Variants in TEX14 observed in about 807,000 individuals in gnomAD.
TEX14 encodes the protein inactive serine/threonine-protein kinase TEX14.
Under a neutral mutation model 178.6 loss-of-function variants are expected in TEX14, and 168 were observed. The observed-to-expected ratio is 0.94, with a 90% CI of 0.83 to 1.07. The LOEUF is 1.07. Among genes scored for constraint, TEX14 ranks in the 50% least tolerant of loss-of-function variants. TEX14 has a pLI of 0.00. For missense variants in TEX14, 1,730 were observed against 1,753.6 expected, an observed-to-expected ratio of 0.99 and a Z score of 0.24; for synonymous variants, 626 against 634.1, an observed-to-expected ratio of 0.99 and a Z score of 0.19.
chr17:58,599,888 G>A (rs1477344599), intron 13 of TEX14, among the ~76,000 whole-genome samples: 1 of 152,222 alleles, frequency 6.6e-6, no homozygotes, highest in Non-Finnish European at 1.5e-5. Flanking sequence ...GAATGAGGCA[G>A]AAATTGTTGT....
At chr17:58,587,755 CA>C in intron 16 of TEX14, 89 bp from the exon 17 acceptor site, 2 of 1,176,966 alleles carry the variant, frequency 1.7e-6, no homozygotes, top group Non-Finnish European at 2.5e-6. Flanking sequence ...ACCAAAAGCC[CA>C]CCAGCCCATC....
rs889084818 is a variant in TEX14 at position 58,593,782 on chromosome 17, T to A, written c.2470-121A>T. On this transcript the variant is annotated intron_variant, in intron 14 of 31. Transcript: ENST00000349033. ...TAGAAATAACCAGACCTACCAGGAT[T>A]TTCCTTTGCATGTTTCCTATCTGCT... 6.1e-6 allele frequency: 5 copies of A among 815,056 alleles called. No homozygotes were observed. The African/African-American group carries it at 8.6e-5, about 14-fold the overall frequency. The allele number at this position is 815,056 out of a possible 1,614,324, so 50.5% of individuals were successfully genotyped here.
intron 3 of TEX14, among the ~76,000 whole-genome samples, chr17:58,623,240 C>T (rs2144553366): frequency 6.6e-6 from 1 of 152,052 alleles, no homozygotes; most frequent in African/African-American, 2.4e-5. Context: ...CTTCACTCAA[C>T]CCTTCAAGGA....
chr17:58,580,798 G>T (rs972152463), intron 19 of TEX14, among the ~76,000 whole-genome samples: 1 of 152,136 alleles, frequency 6.6e-6, no homozygotes, highest in African/African-American at 2.4e-5. Context: ...TGTACAGGAG[G>T]TTCTTGTAAA....
rs1162304177 is a variant in TEX14 at position 58,644,989 on chromosome 17, CT to C, written c.136+6876del. On this transcript the variant is annotated intron_variant, in intron 2 of 31. Coordinates refer to ENST00000349033, the MANE Select transcript of TEX14 (RefSeq NM_031272.5). ...AGTTGTATTCTTTTTTTTTTCTTAA[CT>C]TTTTTTTTTTTTTGAGATGGAGTCT... is the stretch of plus-strand genomic sequence containing the variant. Among the ~76,000 whole-genome samples the C allele has an allele frequency of 1.5e-3, 203 of 135,500 alleles. 1 individual carries two copies. Among genetic ancestry groups the C allele is most frequent in the African/African-American group, 3.3e-3 (121 of 36,938 alleles). The allele number at this position is 135,500 out of a possible 152,430, so 88.9% of individuals were successfully genotyped here. A position where few individuals can be genotyped will look rare whatever the true frequency, so the allele number is the denominator to read the frequency against.
chr17:58,624,319 ATATTT>A, intron 3 of TEX14, among the ~76,000 whole-genome samples: 1 of 149,782 alleles, frequency 6.7e-6, no homozygotes, highest in Non-Finnish European at 1.5e-5. Context: ...CTGTATCTAC[ATATTT>A]TCTTTTCTTT....
chr17:58,638,756 T>G (rs1598408648), intron 2 of TEX14, among the ~76,000 whole-genome samples: 1 of 151,948 alleles, frequency 6.6e-6, no homozygotes, highest in Non-Finnish European at 1.5e-5. Flanking sequence ...GTCAGGCTGG[T>G]CTTGAACTCC....
chr17:58,637,854 GC>G (rs2046472358), intron 2 of TEX14, among the ~76,000 whole-genome samples: 1 of 143,228 alleles, frequency 7.0e-6, no homozygotes, highest in Non-Finnish European at 1.5e-5. Flanking sequence ...ACAACCTACT[GC>G]CTTTTTTTTT....
At chr17:58,616,752 C>T (rs2045882653) in intron 6 of TEX14, among the ~76,000 whole-genome samples, 1 of 152,198 alleles carries the variant, frequency 6.6e-6, no homozygotes, top group African/African-American at 2.4e-5. Context: ...TTTAATCTTT[C>T]TAAAAACCTT....
At chr17:58,641,788 G>A (rs899413266) in intron 2 of TEX14, among the ~76,000 whole-genome samples, 13 of 152,152 alleles carry the variant, frequency 8.5e-5, no homozygotes, top group South Asian at 2.1e-4. Flanking sequence ...GATTACAGGC[G>A]TAAGCCACTG....
At chr17:58,607,545 T>C (rs1178106762) in intron 10 of TEX14, among the ~76,000 whole-genome samples, 2 of 152,206 alleles carry the variant, frequency 1.3e-5, no homozygotes, top group African/African-American at 2.4e-5. Context: ...ATTGGGTAAC[T>C]TCACACCATT....
At chr17:58,638,480 T>C (rs1288531453) in intron 2 of TEX14, among the ~76,000 whole-genome samples, 1 of 152,242 alleles carries the variant, frequency 6.6e-6, no homozygotes, top group East Asian at 1.9e-4. Context: ...ATTGGAATAC[T>C]ACTCACCCAT....
At chr17:58,630,579 T>C (rs1464285968) in intron 2 of TEX14, 25 bp from the exon 3 acceptor site, 2 of 1,550,090 alleles carry the variant, frequency 1.3e-6, no homozygotes, top group Non-Finnish European at 1.8e-6. Context: ...TCAGAATCAA[T>C]GCAAATATCA....
chr17:58,563,072 C>CA (rs5821239), intron 28 of TEX14, among the ~76,000 whole-genome samples: 56 of 145,544 alleles, frequency 3.8e-4, no homozygotes, highest in Middle Eastern at 3.5e-3. Flanking sequence ...GACTCTGTCT[C>CA]AAAAAAAAAA....
At chr17:58,600,672 C>T (rs545109263) in intron 13 of TEX14, among the ~76,000 whole-genome samples, 1 of 151,924 alleles carries the variant, frequency 6.6e-6, no homozygotes, top group East Asian at 1.9e-4. Flanking sequence ...CCCTGGTTTA[C>T]AGGTGTACAG....
At chr17:58,612,361 G>A (rs1567735124) in intron 9 of TEX14, among the ~76,000 whole-genome samples, 2 of 152,160 alleles carry the variant, frequency 1.3e-5, no homozygotes, top group Admixed American at 1.3e-4. Flanking sequence ...AGCTAAGGCA[G>A]GAGGATCACT....
chr17:58,646,336 C>A (rs1035068490), intron 2 of TEX14, among the ~76,000 whole-genome samples: 2 of 152,238 alleles, frequency 1.3e-5, no homozygotes, highest in Middle Eastern at 6.8e-3. Flanking sequence ...CTTCCAATAG[C>A]CCACAAGGCT....
At chr17:58,675,300 G>T in intron 1 of TEX14, 1 of 152,896 alleles carries the variant, frequency 6.5e-6, no homozygotes, top group South Asian at 1.9e-4. Flanking sequence ...GCTATGGGTG[G>T]GCAAACTAGT....
chr17:58,559,970 ATTTAT>A (rs2044240464), intron 29 of TEX14, among the ~76,000 whole-genome samples: 1 of 152,178 alleles, frequency 6.6e-6, no homozygotes, highest in African/African-American at 2.4e-5. Context: ...CAAAACCATC[ATTTAT>A]TTTATCATCT....
Sources: allele counts gnomAD v4.1 joint callset (sites outside exome capture counted in the v4.1 genomes callset), GRCh38; gene constraint gnomAD v4.1.1; transcripts MANE v1.5; gene names NCBI Gene and HGNC (gene_info 2026-07-23, HGNC 2026-07-21).